The following RNPEPL1 variants were observed in gnomAD, a reference collection of about 807,000 sequenced individuals.
RNPEPL1 encodes arginyl aminopeptidase like 1, also known as aminopeptidase RNPEPL1.
A neutral mutation model predicts 69.0 loss-of-function variants in RNPEPL1; 46 were observed. The observed-to-expected ratio is 0.67, with a 90% CI of 0.53 to 0.85. The LOEUF is 0.85. RNPEPL1 is among the 40% of genes least tolerant of loss of function. The pLI is 0.00. For synonymous variants in RNPEPL1, 525 were observed against 454.1 expected (o/e 1.16, Z -1.98); for missense variants, 869 against 992.5 (o/e 0.88, Z 1.67).
rs1295594660 is a variant in RNPEPL1, at chr2:240,575,065, TA to T, written c.1325del (p.Tyr442SerfsTer47). Reference protein sequence around the residue: ...NPSHLMNLFTYEKGYCFVYYL... With the variant: ...NPSHLMNLFTXEKGYCFVYYL... ...CAGCCACCTGATGAACCTGTTCACC[TA>T]CGAGAAGGGCTACTGCTTCGTGTAC... On this transcript the variant is annotated frameshift_variant, in exon 7 of 11. Coordinates refer to ENST00000270357, the MANE Select transcript of RNPEPL1 (RefSeq NM_018226.6). LOFTEE classifies it high-confidence loss of function. 1 of 1,613,854 alleles carries T rather than the reference TA, an allele frequency of 6.2e-7. No individual in the cohort carries two copies. Among genetic ancestry groups the T allele is most frequent in the Non-Finnish European group, 8.5e-7 (1 of 1,180,016 alleles).
chr2:240,569,222 C>T (rs2125447647), intron 1 of RNPEPL1, 108 bp downstream of exon 1: 3 of 1,185,278 alleles, frequency 2.5e-6, no homozygotes, highest in East Asian at 3.3e-5. Flanking sequence ...CCTACAGGTG[C>T]CCCCCTCCCC....
rs143390576 is a variant in RNPEPL1 at position 240,571,641 on chromosome 2, C to T, written c.529-782C>T. 5.7e-4 allele frequency among the ~76,000 whole-genome samples: 86 copies of T among 151,838 alleles called. 1 individual carries two copies. The highest frequency in any genetic ancestry group is 1.9e-3 in the African/African-American group (77 of 41,410). ...TCTCAGTGGGGCTGGGGCCTGGCCT[C>T]GGCATCTAGGGGTGAGGAAAGCCTC... On this transcript the variant is annotated intron_variant, in intron 1 of 10. Coordinates refer to ENST00000270357, the MANE Select transcript of RNPEPL1 (RefSeq NM_018226.6).
chr2:240,570,486 C>T (rs564288669), intron 1 of RNPEPL1, among the ~76,000 whole-genome samples: 11 of 152,340 alleles, frequency 7.2e-5, no homozygotes, highest in East Asian at 1.9e-4. Flanking sequence ...TGTATGTGAG[C>T]GCCATGGGGC....
In RNPEPL1 at chr2:240,575,017, GT is replaced by G; in HGVS notation, c.1289-11del. On this transcript the variant is annotated splice_polypyrimidine_tract_variant and intron_variant, in intron 6 of 10. Transcript: ENST00000270357. ...GTTTCGGACGCCAGCCCAGGTGGGT[GT>G]TCACCTTGCAGGAGTGAATCCCAGC... 1.2e-6 allele frequency: 2 copies of G among 1,607,040 alleles called. No individual in the cohort carries two copies. Among genetic ancestry groups the G allele is most frequent in the South Asian group, 2.2e-5 (2 of 90,968 alleles).
In RNPEPL1 at chr2:240,574,589, G is replaced by A. The variant is rs267599287; in HGVS notation, c.1249G>A (p.Asp417Asn). The change falls in exon 6 of 11, where the codon GAC (aspartate) becomes AAC (asparagine). Residue 417 changes from aspartate (D) to asparagine (N), a missense_variant. Physicochemically the swap from Asp to Asn is conservative, Grantham distance 23 (BLOSUM62 1). This residue lies in a region of RNPEPL1 where 610 missense variants were observed against 790.9 expected (regional missense o/e 0.77). Transcript: ENST00000270357. ...CCGGCAGATGAAGCTTCTGGGAGAG[G>A]ACAGCCCGGTCAGCAAACTGCAGGT... ...LHRQMKLLGE[D>N]SPVSKLQVKL... is the part of the protein sequence containing the mutation. 1 of 1,612,944 alleles carries A rather than the reference G, an allele frequency of 6.2e-7. No individual in the cohort carries two copies. The highest frequency in any genetic ancestry group is 8.5e-7 in the Non-Finnish European group (1 of 1,179,970).
In RNPEPL1 at chr2:240,572,454, G is replaced by A; in HGVS notation, c.560G>A (p.Gly187Asp). ...IWWLDPELTY[G>D]CAKPFVFTQG... ...TGGCTGGACCCAGAGCTGACCTATG[G>A]CTGCGCCAAGCCCTTCGTCTTCACC... The change falls in exon 2 of 11, where the codon GGC (glycine) becomes GAC (aspartate). Residue 187 changes from glycine (G) to aspartate (D), a missense_variant. Gly to Asp is a moderately conservative substitution (Grantham distance 94). This residue lies in a region of RNPEPL1 where 610 missense variants were observed against 790.9 expected (regional missense o/e 0.77). Coordinates refer to ENST00000270357, the MANE Select transcript of RNPEPL1 (RefSeq NM_018226.6). The A allele has an allele frequency of 6.5e-7, 1 of 1,536,210 alleles. No homozygotes were observed.
intron 1 of RNPEPL1, 60 bp from the exon 2 acceptor site, chr2:240,572,363 T>G: frequency 6.6e-7 from 1 of 1,513,260 alleles, no homozygotes; most frequent in Non-Finnish European, 8.8e-7. Context: ...TGCTGCCCAG[T>G]GGCTAGGGCC....
At chr2:240,573,341 C>A in intron 3 of RNPEPL1, 80 bp downstream of exon 3, 1 of 1,446,518 alleles carries the variant, frequency 6.9e-7, no homozygotes, top group Non-Finnish European at 9.2e-7. Flanking sequence ...CCTGTGTCCA[C>A]GGCTGCCCTG....
chr2:240,577,902 C>T lies in RNPEPL1; in HGVS notation c.*10C>T, dbSNP rs1249958050. On this transcript the variant is annotated 3_prime_UTR_variant, in exon 11 of 11. Transcript: ENST00000270357. ...CAATGTGTCTGCCTAGCCCTGTTGG[C>T]GGGCTGACCCTCGACCTCCCAGACA... 6 of 1,477,352 alleles carry T rather than the reference C, an allele frequency of 4.1e-6. No individual in the cohort carries two copies. Among genetic ancestry groups the T allele is most frequent in the East Asian group, 4.7e-5 (2 of 42,388 alleles). 91.5% of individuals were successfully genotyped at this position (1,477,352 alleles called of 1,614,324 possible).
chr2:240,573,049 G>A lies in RNPEPL1; in HGVS notation c.670-61G>A, dbSNP rs571864190. On this transcript the variant is annotated intron_variant, in intron 2 of 10. Transcript: ENST00000270357. ...TATGGGGCTGCCTGACAGGCTCCCC[G>A]GCCGGGGCTATGGGTGTGCTGACGG... is the stretch of plus-strand genomic sequence containing the variant. 3.3e-3 allele frequency: 4,957 copies of A among 1,492,692 alleles called. 11 individuals carry two copies. The highest frequency in any genetic ancestry group is 4.0e-3 in the Non-Finnish European group (4,518 of 1,115,596). 92.5% of individuals were successfully genotyped at this position (1,492,692 alleles called of 1,614,324 possible). A position where few individuals can be genotyped will look rare whatever the true frequency, so the allele number is the denominator to read the frequency against.
intron 3 of RNPEPL1, among the ~76,000 whole-genome samples, chr2:240,573,477 G>A (rs1342988584): frequency 6.6e-6 from 1 of 152,168 alleles, no homozygotes; most frequent in African/African-American, 2.4e-5. Flanking sequence ...TGCCTGCCCT[G>A]CAAACTGGTC....
In RNPEPL1 at chr2:240,578,997, G is replaced by C. The variant is rs1045214167; in HGVS notation, c.*1105G>C. 1.3e-5 allele frequency: 2 copies of C among 152,254 alleles called. No individual in the cohort carries two copies. The highest frequency in any genetic ancestry group is 1.3e-4 in the Admixed American group (2 of 15,292). 9.4% of individuals were successfully genotyped at this position (152,254 alleles called of 1,614,324 possible). ...TCACCTGTGGCTTAAGCCAAATCCC[G>C]GCCTCAGTGGTGATCCTTTCCCAAG... is the stretch of plus-strand genomic sequence containing the variant. On this transcript the variant is annotated 3_prime_UTR_variant, in exon 11 of 11. Coordinates refer to ENST00000270357, the MANE Select transcript of RNPEPL1 (RefSeq NM_018226.6).
chr2:240,571,763 C>A (rs1216947283), intron 1 of RNPEPL1, among the ~76,000 whole-genome samples: 1 of 151,776 alleles, frequency 6.6e-6, no homozygotes, highest in African/African-American at 2.4e-5. Context: ...TCACCGCAGC[C>A]CCCGGCCTCC....
At position 240,574,611 on chromosome 2, in the gene RNPEPL1, A is replaced by G. The variant is rs2093032462; in HGVS notation, c.1271A>G (p.Gln424Arg). The change falls in exon 6 of 11, where the codon CAG (glutamine) becomes CGG (arginine). Residue 424 changes from glutamine to arginine, a missense_variant. By Grantham distance (43) the Gln-to-Arg change is conservative. Around this residue, in one of 2 missense-constraint regions of RNPEPL1, gnomAD observed 610 missense variants for 790.9 expected, o/e 0.77. Coordinates refer to ENST00000270357, the MANE Select transcript of RNPEPL1 (RefSeq NM_018226.6). ...GAGGACAGCCCGGTCAGCAAACTGC[A>G]GGTCAAGCTGGAGCCAGGTACCTGC... ...LGEDSPVSKL[Q>R]VKLEPGVNPS... 1.2e-6 allele frequency: 2 copies of G among 1,612,778 alleles called. No individual in the cohort carries two copies. Among genetic ancestry groups the G allele is most frequent in the Non-Finnish European group, 1.7e-6 (2 of 1,179,888 alleles).
chr2:240,576,997 T>C lies in RNPEPL1; in HGVS notation c.1884+7T>C. On this transcript the variant is annotated splice_region_variant and intron_variant, in intron 10 of 10. Transcript: ENST00000270357. The stretch of plus-strand genomic sequence containing the variant: ...GCGCTTCCTGGAGAGCCAGGTGCGG[T>C]CACCTGCCCAGGGGGCCAGCCTGGA... 1 of 1,612,672 alleles carries C rather than the reference T, an allele frequency of 6.2e-7. No individual in the cohort carries two copies. The highest frequency in any genetic ancestry group is 1.1e-5 in the South Asian group (1 of 91,056).
intron 8 of RNPEPL1, 138 bp downstream of exon 8, chr2:240,575,748 A>C (rs2093035753): frequency 1.5e-6 from 1 of 687,574 alleles, no homozygotes; most frequent in Admixed American, 2.3e-5. Flanking sequence ...CCCTTGCTGG[A>C]CCATGTGGGC....
chr2:240,573,548 C>A (rs563329370), intron 3 of RNPEPL1, among the ~76,000 whole-genome samples: 1 of 152,376 alleles, frequency 6.6e-6, no homozygotes, highest in East Asian at 1.9e-4. Flanking sequence ...CCCTTCAGCC[C>A]AGAGATAAAA....
Position 240,568,729 on chromosome 2 carries a change from T to C in RNPEPL1, c.143T>C (p.Leu48Pro), listed in dbSNP as rs1375390510. ...LFRLRHLQLG[L>P]ELRPEARELA... The stretch of plus-strand genomic sequence containing the variant: ...CGCCTCCGCCACCTGCAGCTGGGCC[T>C]GGAGCTGCGGCCCGAGGCGCGCGAG... The change falls in exon 1 of 11, where the codon CTG (leucine) becomes CCG (proline). Residue 48 changes from leucine (L) to proline (P), a missense_variant. This residue lies in a region of RNPEPL1 where 259 missense variants were observed against 201.5 expected (regional missense o/e 1.29). Transcript: ENST00000270357. The surrounding 1 kb of genome is among the most constrained non-coding windows in gnomAD (Gnocchi z 6.2). 1 of 1,070,376 alleles carries C rather than the reference T, an allele frequency of 9.3e-7. No individual in the cohort carries two copies. Among genetic ancestry groups the C allele is most frequent in the South Asian group, 2.9e-5 (1 of 34,198 alleles). 66.3% of individuals were successfully genotyped at this position (1,070,376 alleles called of 1,614,324 possible).
chr2:240,576,788 GGCGGCCCAGGGGCTGGGGTGCAACA>G (rs759979319), intron 9 of RNPEPL1, 23 bp downstream of exon 9: 9 of 1,612,542 alleles, frequency 5.6e-6, no homozygotes, highest in Non-Finnish European at 7.6e-6. Flanking sequence ...AGCTGATGGG[GGCGGCCCAGGGGCTGGGGTGCAACA>G]GCGGCCCAGC....
Sources: allele counts gnomAD v4.1 joint callset (sites outside exome capture counted in the v4.1 genomes callset), GRCh38; gene constraint gnomAD v4.1.1; regional missense constraint gnomAD v4.1.1; non-coding constraint Gnocchi (gnomAD v3.1); transcripts MANE v1.5; gene names NCBI Gene and HGNC (gene_info 2026-07-23, HGNC 2026-07-21).